The following ANKRD12 variants were observed in gnomAD, a reference collection of about 807,000 sequenced individuals.
ANKRD12 encodes ankyrin repeat domain-containing protein 12.
ANKRD12 carries 85 observed loss-of-function variants against 183.4 expected under a neutral mutation model. The observed-to-expected ratio is 0.46, with a 90% CI of 0.39 to 0.56. The LOEUF (loss-of-function observed/expected upper bound fraction) is 0.56, where lower values mean the gene tolerates loss of function less well. Among genes scored for constraint, ANKRD12 ranks in the 20% least tolerant of loss-of-function variants. The pLI is 0.00. For missense variants in ANKRD12, 2,405 were observed against 2,357.1 expected, an observed-to-expected ratio of 1.02 and a Z score of -0.42; for synonymous variants, 914 against 800.2, an observed-to-expected ratio of 1.14 and a Z score of -2.40.
chr18:9,205,777 A>G (rs766949507), intron 4 of ANKRD12, among the ~76,000 whole-genome samples: 1 of 152,096 alleles, frequency 6.6e-6, no homozygotes, highest in African/African-American at 2.4e-5. Flanking sequence ...TGTACATTGC[A>G]AACAGGATTG....
chr18:9,240,715 T>G (rs1309372123), intron 8 of ANKRD12, among the ~76,000 whole-genome samples: 1 of 152,200 alleles, frequency 6.6e-6, no homozygotes, highest in African/African-American at 2.4e-5. Context: ...ACTTGCATAC[T>G]TCAACTTAAT....
Position 9,256,239 on chromosome 18 carries a change from A to C in ANKRD12, c.2972A>C (p.Lys991Thr). ...EKKSSIVDGN[K>T]AQHEKPLSLK... ...AAATCAAGTATAGTAGACGGTAATA[A>C]AGCACAACATGAAAAACCCTTATCC... Residue 991 changes from lysine (K) to threonine (T), a missense_variant, in exon 9 of 13, where the codon AAA becomes ACA. By Grantham distance (78) the Lys-to-Thr change is moderately conservative. Around this residue, in one of 7 missense-constraint regions of ANKRD12, gnomAD observed 1,983 missense variants for 1,725.9 expected, o/e 1.15. Coordinates refer to ENST00000262126, the MANE Select transcript of ANKRD12 (RefSeq NM_015208.5). 6.2e-7 allele frequency: 1 copy of C among 1,601,416 alleles called. No individual in the cohort carries two copies. Among genetic ancestry groups the C allele is most frequent in the Non-Finnish European group, 8.5e-7 (1 of 1,176,220 alleles).
chr18:9,183,925 A>G (rs949648241), intron 2 of ANKRD12, among the ~76,000 whole-genome samples: 9 of 152,104 alleles, frequency 5.9e-5, no homozygotes, highest in East Asian at 1.9e-4. Context: ...TTTTCAGTGT[A>G]CAATTTTAAT....
intron 1 of ANKRD12, among the ~76,000 whole-genome samples, chr18:9,144,685 C>A (rs1247042390): frequency 6.6e-6 from 1 of 152,068 alleles, no homozygotes; most frequent in African/African-American, 2.4e-5. Context: ...TTATCTTATT[C>A]CCATTTTGCA....
rs1199747701 is a variant in ANKRD12 at position 9,219,845 on chromosome 18, G to C, written c.796-2007G>C. 2.0e-5 allele frequency among the ~76,000 whole-genome samples: 3 copies of C among 151,978 alleles called. No individual in the cohort carries two copies. In the East Asian group the frequency reaches 5.8e-4, roughly 29 times the overall value. On this transcript the variant is annotated intron_variant, in intron 7 of 12. Transcript: ENST00000262126. Reference sequence around the variant, plus strand: ...TATGGAAACGACTATTAGATCAAAGGTTTTTTAGCTCTCACATCCTCTCCC... The same window carrying C: ...TATGGAAACGACTATTAGATCAAAGCTTTTTTAGCTCTCACATCCTCTCCC...
chr18:9,263,552 A>G (rs2039108672), intron 9 of ANKRD12, among the ~76,000 whole-genome samples: 1 of 152,176 alleles, frequency 6.6e-6, no homozygotes, highest in South Asian at 2.1e-4. Flanking sequence ...AATAACTTCC[A>G]TAGTCCTTCT....
Position 9,142,471 on chromosome 18 carries a change from A to T in ANKRD12, c.-52+5506A>T, listed in dbSNP as rs181348217. ...ACCTAAAGGAAGAGAAAGGAGAGAC[A>T]TGCACTTCTATTTTCTCCCACCAAA... is the stretch of plus-strand genomic sequence containing the variant. On this transcript the variant is annotated intron_variant, in intron 1 of 12. Transcript: ENST00000262126. 2.0e-5 allele frequency among the ~76,000 whole-genome samples: 3 copies of T among 152,352 alleles called. No homozygotes were observed. The East Asian group carries it at 5.8e-4, about 29-fold the overall frequency.
At chr18:9,167,209 T>C (rs1160005037) in intron 1 of ANKRD12, among the ~76,000 whole-genome samples, 1 of 152,186 alleles carries the variant, frequency 6.6e-6, no homozygotes, top group Non-Finnish European at 1.5e-5. Context: ...GGCTCTTTTT[T>C]GGTTCCATAT....
intron 10 of ANKRD12, among the ~76,000 whole-genome samples, chr18:9,271,413 G>A (rs1259026542): frequency 6.6e-6 from 1 of 152,136 alleles, no homozygotes; most frequent in Admixed American, 6.5e-5. Context: ...TAGCAACTCG[G>A]GAGGCTGAGG....
intron 1 of ANKRD12, among the ~76,000 whole-genome samples, chr18:9,166,109 C>T (rs1308317632): frequency 6.6e-6 from 1 of 152,014 alleles, no homozygotes. Flanking sequence ...TTTTCTTAAT[C>T]CAGTCTATCA....
intron 2 of ANKRD12, among the ~76,000 whole-genome samples, chr18:9,188,673 C>T (rs2034260775): frequency 6.6e-6 from 1 of 152,220 alleles, no homozygotes; most frequent in Admixed American, 6.5e-5. Context: ...ATTTTTCCAA[C>T]AGCATGTACT....
At chr18:9,202,394 AATAG>A (rs1341010686) in intron 3 of ANKRD12, among the ~76,000 whole-genome samples, 8 of 152,174 alleles carry the variant, frequency 5.3e-5, no homozygotes, top group Admixed American at 2.0e-4. Context: ...ACTATATTAA[AATAG>A]ATAAAATTAG....
At chr18:9,240,503 C>A (rs1442343965) in intron 8 of ANKRD12, among the ~76,000 whole-genome samples, 1 of 152,020 alleles carries the variant, frequency 6.6e-6, no homozygotes, top group African/African-American at 2.4e-5. Flanking sequence ...CACATAACAC[C>A]CCTCCCGCAT....
intron 3 of ANKRD12, among the ~76,000 whole-genome samples, chr18:9,197,096 A>G (rs1386444533): frequency 6.6e-6 from 1 of 152,226 alleles, no homozygotes; most frequent in Admixed American, 6.5e-5. Context: ...TAATATTTTT[A>G]AGGAATAAAG....
intron 5 of ANKRD12, among the ~76,000 whole-genome samples, chr18:9,210,764 T>C (rs1490911592): frequency 3.4e-5 from 5 of 144,984 alleles, no homozygotes; most frequent in African/African-American, 1.0e-4. Context: ...CTTACACTTT[T>C]TTTTTTTATT....
intron 1 of ANKRD12, among the ~76,000 whole-genome samples, chr18:9,140,343 T>A (rs533290895): frequency 6.6e-6 from 1 of 152,234 alleles, no homozygotes; most frequent in African/African-American, 2.4e-5. Flanking sequence ...CATCTTCTGC[T>A]GTTTTACAGA....
At position 9,255,477 on chromosome 18, in the gene ANKRD12, A is replaced by G; in HGVS notation, c.2210A>G (p.Lys737Arg). ...AACATCAAAGATGATAAATCAACCA[A>G]GGAAAAGCATGTGTCAAAAGAGAGG... ...EKNIKDDKST[K>R]EKHVSKERNF... Residue 737 changes from lysine (K) to arginine (R), a missense_variant, in exon 9 of 13, where the codon AAG (lysine) becomes AGG (arginine). Lys to Arg is a conservative substitution (Grantham distance 26). Around this residue, in one of 7 missense-constraint regions of ANKRD12, gnomAD observed 1,983 missense variants for 1,725.9 expected, o/e 1.15. Transcript: ENST00000262126. 6.4e-7 allele frequency: 1 copy of G among 1,568,760 alleles called. No homozygotes were observed. The highest frequency in any genetic ancestry group is 8.6e-7 in the Non-Finnish European group (1 of 1,166,498).
intron 5 of ANKRD12, among the ~76,000 whole-genome samples, chr18:9,211,261 C>G (rs1390695607): frequency 6.6e-6 from 1 of 152,080 alleles, no homozygotes; most frequent in African/African-American, 2.4e-5. Flanking sequence ...GCATAACATA[C>G]CTAGGAAAAA....
At chr18:9,164,217 G>C (rs1048220504) in intron 1 of ANKRD12, among the ~76,000 whole-genome samples, 9 of 152,136 alleles carry the variant, frequency 5.9e-5, no homozygotes, top group African/African-American at 2.2e-4. Context: ...TTTATTGAGA[G>C]TTTTTAACAT....
Sources: allele counts gnomAD v4.1 joint callset (sites outside exome capture counted in the v4.1 genomes callset), GRCh38; gene constraint gnomAD v4.1.1; regional missense constraint gnomAD v4.1.1; transcripts MANE v1.5; gene names NCBI Gene and HGNC (gene_info 2026-07-23, HGNC 2026-07-21).